The following NOC2L variants were observed in gnomAD, a reference collection of about 807,000 sequenced individuals.
NOC2L encodes nucleolar complex protein 2 homolog.
NOC2L carries 101 observed loss-of-function variants against 94.2 expected under a neutral mutation model. The ratio of observed to expected loss-of-function variants is 1.07; its 90% CI spans 0.91 to 1.26. The LOEUF (loss-of-function observed/expected upper bound fraction) is 1.26, where lower values mean the gene tolerates loss of function less well. NOC2L is among the 50% of genes most tolerant of loss of function. The pLI, the probability that NOC2L is intolerant of heterozygous loss-of-function variation, is 0.00. For missense variants in NOC2L, 1,076 were observed against 980.1 expected (o/e 1.10, Z -1.31); for synonymous variants, 531 against 413.4 (o/e 1.28, Z -3.45).
intron 12 of NOC2L, 125 bp from the exon 13 acceptor site, chr1:948,728 T>TCCCCCTGGTC: frequency 1.5e-6 from 1 of 665,856 alleles, no homozygotes; most frequent in Non-Finnish European, 2.7e-6. Context: ...GTCACCCTGG[T>TCCCCCTGGTC]CCTCAGGCTT....
intron 16 of NOC2L, among the ~76,000 whole-genome samples, 178 bp from the exon 17 acceptor site, chr1:945,831 C>A (rs910326129): frequency 2.6e-5 from 4 of 152,232 alleles, no homozygotes; most frequent in African/African-American, 9.6e-5. Context: ...AGGTCAAAGG[C>A]AGAGCCCTTC....
At chr1:950,892 G>A (rs1368817069) in intron 12 of NOC2L, among the ~76,000 whole-genome samples, 1 of 152,202 alleles carries the variant, frequency 6.6e-6, no homozygotes, top group African/African-American at 2.4e-5. Context: ...TACAGGGTCA[G>A]GTCCCGGCAT....
intron 17 of NOC2L, 40 bp downstream of exon 17, chr1:945,478 C>T: frequency 6.2e-7 from 1 of 1,610,324 alleles, no homozygotes; most frequent in Non-Finnish European, 8.5e-7. Context: ...CAGAGCCCTC[C>T]AGGCCCACCC....
rs917086388 is a variant in NOC2L at position 945,409 on chromosome 1, G to C, written c.2053+109C>G. The C allele has an allele frequency of 2.5e-5, 34 of 1,364,144 alleles. No individual in the cohort carries two copies. In the East Asian group the frequency reaches 7.8e-4, roughly 31 times the overall value. 84.5% of individuals were successfully genotyped at this position (1,364,144 alleles called of 1,614,324 possible). ...TGAGGTTGGCCCCAGCTGGGCCAGA[G>C]ACTGGTGAGCCCCCTGCAGGATGGG... On this transcript the variant is annotated intron_variant, in intron 17 of 18. Transcript: ENST00000327044.
In NOC2L at chr1:953,899, G is replaced by A. The variant is rs563091892; in HGVS notation, c.778-7C>T. 83 of 1,612,396 alleles carry A rather than the reference G, an allele frequency of 5.1e-5. No individual in the cohort carries two copies. The highest frequency in any genetic ancestry group is 7.0e-5 in the Non-Finnish European group (82 of 1,179,392). On this transcript the variant is annotated splice_polypyrimidine_tract_variant and splice_region_variant and intron_variant, in intron 7 of 18. Coordinates refer to ENST00000327044, the MANE Select transcript of NOC2L (RefSeq NM_015658.4). The stretch of plus-strand genomic sequence containing the variant: ...CCGACAGACAGGACACCAGCTGGGG[G>A]CAGGAGGGGACAGTGAAGCCCCAAA...
intron 14 of NOC2L, chr1:946,826 G>C: frequency 3.2e-6 from 1 of 312,648 alleles, no homozygotes; most frequent in East Asian, 7.5e-5. Context: ...GGGAGGCTGA[G>C]GCGGGTGGAT....
At chr1:955,558 G>A (rs573359154) in intron 6 of NOC2L, among the ~76,000 whole-genome samples, 12 of 152,324 alleles carry the variant, frequency 7.9e-5, no homozygotes, top group African/African-American at 1.9e-4. Context: ...CAGGAAACAG[G>A]CCAGTCATAG....
intron 18 of NOC2L, 54 bp from the exon 19 acceptor site, chr1:944,854 C>A: frequency 7.3e-7 from 1 of 1,373,920 alleles, no homozygotes; most frequent in Non-Finnish European, 1.0e-6. Context: ...AAGAAGCCAG[C>A]CTTAGAGGTT....
chr1:950,770 T>C (rs1265327272), intron 12 of NOC2L, among the ~76,000 whole-genome samples: 1 of 152,122 alleles, frequency 6.6e-6, no homozygotes, highest in African/African-American at 2.4e-5. Flanking sequence ...TACAAATGCA[T>C]ACACATGCAC....
intron 11 of NOC2L, 61 bp from the exon 12 acceptor site, chr1:951,299 C>T (rs908358428): frequency 1.4e-5 from 19 of 1,316,782 alleles, no homozygotes; most frequent in African/African-American, 2.9e-5. Flanking sequence ...GCCCCTCCCC[C>T]TGCTGTCTTG....
At chr1:954,631 G>A (rs1005515156) in intron 6 of NOC2L, 14 of 152,852 alleles carry the variant, frequency 9.2e-5, no homozygotes, top group African/African-American at 3.1e-4. Flanking sequence ...CCAGGAGTTT[G>A]AGACCAGCCT....
In NOC2L at chr1:948,595, C is replaced by T. The variant is rs768385039; in HGVS notation, c.1452G>A (p.Gln484=). The change falls in exon 13 of 19, where the codon CAG becomes CAA. Residue 484 remains glutamine (Q), a synonymous_variant. Coordinates refer to ENST00000327044, the MANE Select transcript of NOC2L (RefSeq NM_015658.4). ...PVLPFILEMF[Q]QVDFNRKPGR... Reference sequence around the variant, plus strand: ...CTGGCTTCCTGTTGAAGTCGACCTGCTGGAACATCTGCCCCAAGGGCCGTG... The same window carrying T: ...CTGGCTTCCTGTTGAAGTCGACCTGTTGGAACATCTGCCCCAAGGGCCGTG... 4.3e-6 allele frequency: 7 copies of T among 1,611,780 alleles called. No individual in the cohort carries two copies. In the Admixed American group the frequency reaches 1.2e-4, roughly 27 times the overall value.
intron 2 of NOC2L, chr1:958,259 C>T (rs1166573737): frequency 6.1e-6 from 1 of 163,944 alleles, no homozygotes; most frequent in Non-Finnish European, 1.3e-5. Flanking sequence ...TGATTTCTTT[C>T]TTTTTCTTTT....
chr1:951,568 C>T (rs776603376), intron 11 of NOC2L, among the ~76,000 whole-genome samples: 7 of 152,232 alleles, frequency 4.6e-5, no homozygotes, highest in South Asian at 2.1e-4. Flanking sequence ...CAGATGCCCC[C>T]TCCTGGCCAA....
At chr1:957,514 G>A (rs1642446311) in intron 2 of NOC2L, 4 of 525,846 alleles carry the variant, frequency 7.6e-6, no homozygotes, top group East Asian at 3.2e-5. Flanking sequence ...TGCGCCCTGC[G>A]CTACACAGGC....
Position 952,547 on chromosome 1 carries a change from G to A in NOC2L, c.1056C>T (p.Leu352=). The change falls in exon 10 of 19, where the codon CTC becomes CTT. Residue 352 remains leucine (L), a synonymous_variant. Transcript: ENST00000327044. ...TCCACTGCATGAAACTGATGAAGGG[G>A]AGGGCACCAGGCGAGGTGAACTTGC... is the stretch of plus-strand genomic sequence containing the variant. The part of the protein sequence containing the change: ...RNCKFTSPGA[L]PFISFMQWTL... 8.7e-6 allele frequency: 14 copies of A among 1,613,910 alleles called. No homozygotes were observed. Among genetic ancestry groups the A allele is most frequent in the Non-Finnish European group, 1.2e-5 (14 of 1,180,020 alleles).
At chr1:950,142 G>C (rs1238524508) in intron 12 of NOC2L, among the ~76,000 whole-genome samples, 1 of 151,852 alleles carries the variant, frequency 6.6e-6, no homozygotes, top group Non-Finnish European at 1.5e-5. Flanking sequence ...ATGCACACAG[G>C]TGCACACACG....
At chr1:951,287 CT>C in intron 11 of NOC2L, 49 bp from the exon 12 acceptor site, 1 of 1,377,914 alleles carries the variant, frequency 7.3e-7, no homozygotes, top group Non-Finnish European at 1.0e-6. Context: ...CTGGCAGCCC[CT>C]GCCCCTCCCC....
In NOC2L at chr1:948,206, G is replaced by A; in HGVS notation, c.1584C>T (p.Asp528=). Residue 528 remains aspartate (D), a synonymous_variant, in exon 14 of 19, where the codon GAC becomes GAT. Transcript: ENST00000327044. The part of the protein sequence containing the change: ...YRDGLVEQLY[D]LTLEYLHSQA... Reference sequence around the variant, plus strand: ...GGCTGTGCAGGTACTCCAGGGTGAGGTCGTACAGCTGCTCCACCAGGCCGT... The same window carrying A: ...GGCTGTGCAGGTACTCCAGGGTGAGATCGTACAGCTGCTCCACCAGGCCGT... The A allele has an allele frequency of 1.3e-6, 2 of 1,587,516 alleles. No individual in the cohort carries two copies. Among genetic ancestry groups the A allele is most frequent in the Non-Finnish European group, 1.7e-6 (2 of 1,167,278 alleles).
Sources: gnomAD v4.1 joint callset for allele counts (sites outside exome capture counted in the v4.1 genomes callset) on GRCh38, gnomAD v4.1.1 for gene constraint, MANE v1.5 for transcripts, NCBI Gene and HGNC (gene_info 2026-07-23, HGNC 2026-07-21) for gene names.